DDC: variants seen among roughly 807,000 people sequenced by gnomAD.
DDC encodes aromatic-L-amino-acid decarboxylase.
Under a neutral mutation model 60.0 loss-of-function variants are expected in DDC, and 43 were observed. The observed-to-expected ratio is 0.72, with a 90% CI of 0.56 to 0.92. The LOEUF (loss-of-function observed/expected upper bound fraction) is 0.92, where lower values mean the gene tolerates loss of function less well. Ranked by LOEUF, DDC falls within the 40% of genes least tolerant of loss-of-function variation. DDC has a pLI of 0.00. For synonymous variants in DDC, 232 were observed against 234.6 expected (o/e 0.99, Z 0.10); for missense variants, 573 against 620.2 (o/e 0.92, Z 0.81).
chr7:50,557,165 C>T (rs949994940), intron 1 of DDC, among the ~76,000 whole-genome samples: 1 of 152,204 alleles, frequency 6.6e-6, no homozygotes, highest in African/African-American at 2.4e-5. Flanking sequence ...AGCCTTGCTC[C>T]TCTGCTGACA....
At chr7:50,518,585 A>G (rs985005697) in intron 6 of DDC, among the ~76,000 whole-genome samples, 3 of 152,160 alleles carry the variant, frequency 2.0e-5, no homozygotes, top group Non-Finnish European at 4.4e-5. Flanking sequence ...AATAAATCCA[A>G]TACTTACAAC....
chr7:50,562,005 A>C (rs749576305), intron 1 of DDC, among the ~76,000 whole-genome samples: 1 of 152,220 alleles, frequency 6.6e-6, no homozygotes, highest in Non-Finnish European at 1.5e-5. Flanking sequence ...ACCTAAGTGC[A>C]TGCATACACA....
chr7:50,523,070 G>A (rs183141435), intron 6 of DDC, among the ~76,000 whole-genome samples: 1 of 152,256 alleles, frequency 6.6e-6, no homozygotes, highest in South Asian at 2.1e-4. Flanking sequence ...ACATGGATTC[G>A]GGTTGGGACA....
chr7:50,523,730 G>T (rs2043961917), intron 6 of DDC, among the ~76,000 whole-genome samples: 1 of 152,148 alleles, frequency 6.6e-6, no homozygotes, highest in Non-Finnish European at 1.5e-5. Flanking sequence ...AATGCAAAAT[G>T]GTACAGTCTC....
Position 50,479,835 on chromosome 7 carries a change from C to A in DDC, c.973G>T (p.Ala325Ser), listed in dbSNP as rs768264090. 3.1e-6 allele frequency: 5 copies of A among 1,613,780 alleles called. No individual in the cohort carries two copies. In the East Asian group the frequency reaches 1.1e-4, roughly 36 times the overall value. The change falls in exon 10 of 15, where the codon GCC becomes TCC. Residue 325 changes from alanine (A) to serine (S), a missense_variant. By Grantham distance (99) the Ala-to-Ser change is moderately conservative (BLOSUM62 1). Coordinates refer to ENST00000444124, the MANE Select transcript of DDC (RefSeq NM_001082971.2). ...AGGTAAGTGGGGTCCAGTCTAAAGG[C>A]TCCCGTTAAGTCTGTTCTCTTTTTC... ...WVKKRTDLTGAFRLDPTYLKH... is the reference protein window; with the variant it reads ...WVKKRTDLTGSFRLDPTYLKH...
chr7:50,521,215 A>T (rs986325650), intron 6 of DDC, among the ~76,000 whole-genome samples: 3 of 152,068 alleles, frequency 2.0e-5, no homozygotes, highest in African/African-American at 7.2e-5. Flanking sequence ...AAATAGACCA[A>T]CTTTTTGAAG....
At chr7:50,483,758 G>T (rs553373450) in intron 9 of DDC, among the ~76,000 whole-genome samples, 28 of 152,152 alleles carry the variant, frequency 1.8e-4, no homozygotes, top group African/African-American at 6.7e-4. Context: ...AAAAAAATTA[G>T]CTGGGCATGG....
At chr7:50,555,353 C>T (rs923253715) in intron 1 of DDC, among the ~76,000 whole-genome samples, 1 of 152,128 alleles carries the variant, frequency 6.6e-6, no homozygotes, top group African/African-American at 2.4e-5. Flanking sequence ...TCCTTTAATG[C>T]TTTATTGGTG....
chr7:50,483,176 C>A (rs1030934979), intron 9 of DDC, among the ~76,000 whole-genome samples: 3 of 152,186 alleles, frequency 2.0e-5, no homozygotes, highest in Middle Eastern at 3.4e-3. Flanking sequence ...TTAAGAAGTT[C>A]TCTGCTGTTC....
Position 50,463,449 on chromosome 7 carries a change from G to C in DDC, c.1243-18C>G. On this transcript the variant is annotated intron_variant, in intron 13 of 14. Transcript: ENST00000444124. ...TTGGAACCCTGGAGGGATTGAAAGA[G>C]AGGAACTGTGCTCAGGTCTCTGAGG... The C allele has an allele frequency of 6.2e-7, 1 of 1,609,984 alleles. No homozygotes were observed. The highest frequency in any genetic ancestry group is 2.2e-5 in the East Asian group (1 of 44,868).
rs761377052 is a variant in DDC, at chr7:50,538,064, C to T, written c.316-85G>A. 72 of 1,504,666 alleles carry T rather than the reference C, an allele frequency of 4.8e-5. 1 individual carries two copies. In the Middle Eastern group the frequency reaches 5.2e-4, roughly 11 times the overall value. 93.2% of individuals were successfully genotyped at this position (1,504,666 alleles called of 1,614,324 possible). ...AGCAGTAACAAGGGGATTTAACCTT[C>T]CACTAAAGCCCAGATTAAAATCACC... is the stretch of plus-strand genomic sequence containing the variant. On this transcript the variant is annotated intron_variant, in intron 3 of 14. Coordinates refer to ENST00000444124, the MANE Select transcript of DDC (RefSeq NM_001082971.2).
At position 50,547,785 on chromosome 7, in the gene DDC, G is replaced by A. The variant is rs190058677; in HGVS notation, c.-28-3672C>T. 3.1e-3 allele frequency among the ~76,000 whole-genome samples: 479 copies of A among 152,258 alleles called. 2 individuals are homozygous for A. Among genetic ancestry groups the A allele is most frequent in the Middle Eastern group, 0.014 (4 of 294 alleles). On this transcript the variant is annotated intron_variant, in intron 1 of 14. Transcript: ENST00000444124. ...GCATGTATTAGCTGTACAACCCAGCGTAAATTGCTGCCATGCTAAACCTCA... is the reference window on the plus strand; with the variant it reads ...GCATGTATTAGCTGTACAACCCAGCATAAATTGCTGCCATGCTAAACCTCA...
chr7:50,519,979 C>A (rs1177218179), intron 6 of DDC, among the ~76,000 whole-genome samples: 2 of 130,046 alleles, frequency 1.5e-5, no homozygotes, highest in African/African-American at 5.6e-5. Context: ...CAAACAAAAA[C>A]CAGTAAATCC....
intron 4 of DDC, among the ~76,000 whole-genome samples, chr7:50,532,655 T>G (rs547538777): frequency 6.6e-6 from 1 of 152,218 alleles, no homozygotes; most frequent in East Asian, 1.9e-4. Flanking sequence ...GCACAAGACA[T>G]AGGCTAAAAC....
chr7:50,559,602 A>G (rs1344735889), intron 1 of DDC, among the ~76,000 whole-genome samples: 1 of 152,168 alleles, frequency 6.6e-6, no homozygotes, highest in South Asian at 2.1e-4. Flanking sequence ...TAATTTTTGT[A>G]TTTTTAGTAG....
chr7:50,482,277 A>G (rs767806283), intron 9 of DDC, among the ~76,000 whole-genome samples: 39 of 152,356 alleles, frequency 2.6e-4, no homozygotes, highest in Non-Finnish European at 4.9e-4. Context: ...TGGGATTTCA[A>G]TTTACATTTC....
chr7:50,541,723 C>T (rs982937294), intron 2 of DDC, among the ~76,000 whole-genome samples: 4 of 152,210 alleles, frequency 2.6e-5, no homozygotes, highest in African/African-American at 7.2e-5. Context: ...CCCCAGTCTA[C>T]GTCCTTTGAT....
intron 6 of DDC, among the ~76,000 whole-genome samples, chr7:50,519,773 A>G (rs758570225): frequency 1.3e-5 from 2 of 152,090 alleles, no homozygotes; most frequent in Non-Finnish European, 2.9e-5. Context: ...ATAAAAGACT[A>G]CAAATGTGGT....
At position 50,463,312 on chromosome 7, in the gene DDC, C is replaced by T. The variant is rs772812241; in HGVS notation, c.1362G>A (p.Thr454=). ...FVLRFAICSR[T]VESAHVQRAW... ...CCCGCTGCACATGGGCAGATTCCAC[C>T]GTGCGAGAACAGATGGCAAAGCGCA... Residue 454 remains threonine (T), a synonymous_variant, in exon 14 of 15, where the codon ACG becomes ACA. Transcript: ENST00000444124. 7.9e-5 allele frequency: 128 copies of T among 1,614,118 alleles called. 1 individual carries two copies. The South Asian group carries it at 1.2e-3, about 15-fold the overall frequency.
Sources: allele counts gnomAD v4.1 joint callset (sites outside exome capture counted in the v4.1 genomes callset), GRCh38; gene constraint gnomAD v4.1.1; transcripts MANE v1.5; gene names NCBI Gene and HGNC (gene_info 2026-07-23, HGNC 2026-07-21).